SUGT1: variants seen among roughly 807,000 people sequenced by gnomAD.
The protein encoded by SUGT1 is protein SGT1 homolog.
A neutral mutation model predicts 56.1 loss-of-function variants in SUGT1; 15 were observed. The ratio of observed to expected loss-of-function variants is 0.27; its 90% CI spans 0.18 to 0.41. The LOEUF is 0.41. SUGT1 is among the 10% of genes least tolerant of loss of function. The probability of loss-of-function intolerance (pLI) is 1.00; values close to 1 mark genes in which losing one functional copy is unlikely to be tolerated. For synonymous variants in SUGT1, 123 were observed against 128.6 expected, an observed-to-expected ratio of 0.96 and a Z score of 0.30; for missense variants, 347 against 382.2, an observed-to-expected ratio of 0.91 and a Z score of 0.77.
chr13:52,657,561 A>G lies in SUGT1; in HGVS notation c.126A>G (p.Pro42=). ...TGACTAAGGCTTTGGAACAGAAACCAGATGATGCACAGTATTATTGTCAAA... is the reference window on the plus strand; with the variant it reads ...TGACTAAGGCTTTGGAACAGAAACCGGATGATGCACAGTATTATTGTCAAA... ...EELTKALEQK[P]DDAQYYCQRA... The change falls in exon 3 of 13, where the codon CCA becomes CCG. Residue 42 remains proline (P), a synonymous_variant. Transcript: ENST00000310528. 1.2e-6 allele frequency: 2 copies of G among 1,613,784 alleles called. No individual in the cohort carries two copies. The highest frequency in any genetic ancestry group is 1.3e-5 in the African/African-American group (1 of 75,062).
At chr13:52,682,336 C>G (rs1218837825) in intron 12 of SUGT1, among the ~76,000 whole-genome samples, 1 of 151,846 alleles carries the variant, frequency 6.6e-6, no homozygotes, top group Non-Finnish European at 1.5e-5. Context: ...GTAGATGGGA[C>G]TACACATCCA....
intron 2 of SUGT1, among the ~76,000 whole-genome samples, chr13:52,654,358 T>G (rs1420732022): frequency 6.6e-6 from 1 of 152,240 alleles, no homozygotes; most frequent in Non-Finnish European, 1.5e-5. Flanking sequence ...ACCTAGTGCT[T>G]CCTTTGGGAA....
chr13:52,681,849 A>AG (rs548878347), intron 12 of SUGT1, among the ~76,000 whole-genome samples: 6,513 of 147,078 alleles, frequency 0.044, 242 homozygotes, highest in Middle Eastern at 0.075. Context: ...AAAAAAAAAA[A>AG]AGAGAGAGAG....
chr13:52,654,531 C>A (rs1273635948), intron 2 of SUGT1, among the ~76,000 whole-genome samples: 1 of 152,166 alleles, frequency 6.6e-6, no homozygotes, highest in African/African-American at 2.4e-5. Context: ...CATGTTTACA[C>A]CACCAGATTA....
At chr13:52,676,802 C>T (rs1028591368) in intron 11 of SUGT1, among the ~76,000 whole-genome samples, 4 of 151,974 alleles carry the variant, frequency 2.6e-5, no homozygotes, top group South Asian at 2.1e-4. Context: ...TAGAGATGGA[C>T]GCAAATAGGT....
intron 12 of SUGT1, chr13:52,687,091 AAG>A (rs1963623023): frequency 2.0e-5 from 3 of 151,226 alleles, no homozygotes; most frequent in Non-Finnish European, 2.9e-5. Context: ...AAAAAAAAAA[AAG>A]AAATGTCCAG....
At chr13:52,687,701 C>T (rs756228692) in intron 12 of SUGT1, 33 bp from the exon 13 acceptor site, 13 of 1,502,458 alleles carry the variant, frequency 8.7e-6, no homozygotes, top group Admixed American at 8.6e-5. Context: ...TTATATGGTC[C>T]AGGAATTAAT....
At chr13:52,671,434 C>G (rs1962932388) in intron 10 of SUGT1, among the ~76,000 whole-genome samples, 1 of 151,980 alleles carries the variant, frequency 6.6e-6, no homozygotes, top group Non-Finnish European at 1.5e-5. Flanking sequence ...CTTATTTAGC[C>G]AGTCCCATTT....
At chr13:52,662,618 A>G (rs1381227082) in intron 5 of SUGT1, 31 bp from the exon 6 acceptor site, 1 of 1,610,078 alleles carries the variant, frequency 6.2e-7, no homozygotes, top group East Asian at 2.2e-5. Context: ...TGTGCAGATG[A>G]GTGATGTTAT....
chr13:52,674,053 C>CT (rs765220996), intron 10 of SUGT1, among the ~76,000 whole-genome samples: 35,324 of 106,516 alleles, frequency 0.33, 7,566 homozygotes, highest in Middle Eastern at 0.44. Context: ...AGATAGTATA[C>CT]TTTTTTTTTT....
chr13:52,693,025 A>G lies in SUGT1; in HGVS notation c.*5190A>G, dbSNP rs1963825913. Reference sequence around the variant, plus strand: ...GAGATTGTTTCAAGGTTTTATTCCTACAGACATGTTAGGATTTGTGTATCA... The same window carrying G: ...GAGATTGTTTCAAGGTTTTATTCCTGCAGACATGTTAGGATTTGTGTATCA... On this transcript the variant is annotated 3_prime_UTR_variant, in exon 13 of 13. Coordinates refer to ENST00000310528, the MANE Select transcript of SUGT1 (RefSeq NM_006704.5). 1 of 152,170 alleles carries G rather than the reference A, an allele frequency of 6.6e-6. No homozygotes were observed. Among genetic ancestry groups the G allele is most frequent in the Non-Finnish European group, 1.5e-5 (1 of 68,036 alleles). The allele number at this position is 152,170 out of a possible 1,614,324, so 9.4% of individuals were successfully genotyped here.
chr13:52,666,463 CTG>C (rs912845065), intron 9 of SUGT1, among the ~76,000 whole-genome samples: 1 of 152,158 alleles, frequency 6.6e-6, no homozygotes, highest in African/African-American at 2.4e-5. Context: ...AGTGATAGAA[CTG>C]TATGTTTTGC....
intron 12 of SUGT1, among the ~76,000 whole-genome samples, chr13:52,684,908 CTT>C (rs71094314): frequency 6.3e-4 from 92 of 145,252 alleles, no homozygotes; most frequent in East Asian, 6.0e-4. Context: ...TTTGTTGGGA[CTT>C]TTTTTTTTTT....
chr13:52,666,695 T>C (rs1962718713), intron 9 of SUGT1, 117 bp from the exon 10 acceptor site: 5 of 717,208 alleles, frequency 7.0e-6, no homozygotes, highest in Non-Finnish European at 9.3e-6. Flanking sequence ...TAAAATTCCA[T>C]ATATAATGTT....
chr13:52,683,311 C>A (rs1171116563), intron 12 of SUGT1, among the ~76,000 whole-genome samples: 1 of 152,070 alleles, frequency 6.6e-6, no homozygotes, highest in Non-Finnish European at 1.5e-5. Context: ...ATTTTTTTAT[C>A]ATTAACTTTC....
Position 52,659,186 on chromosome 13 carries a change from G to T in SUGT1, c.265G>T (p.Glu89Ter). The T allele has an allele frequency of 6.7e-7, 1 of 1,495,014 alleles. No individual in the cohort carries two copies. The highest frequency in any genetic ancestry group is 1.4e-5 in the South Asian group (1 of 70,518). The allele number at this position is 1,495,014 out of a possible 1,614,324, so 92.6% of individuals were successfully genotyped here. ...TTAAATATATTCATGCAGAATATGTGAATACCATGAAAAAAACTATGCTGC... is the reference window on the plus strand; with the variant it reads ...TTAAATATATTCATGCAGAATATGTTAATACCATGAAAAAAACTATGCTGC... ...STAMLRKGIC[E>*]YHEKNYAAAL... The change falls in exon 5 of 13, where the codon GAA becomes TAA. Residue 89 changes from glutamate to a stop codon, truncating the protein, a stop_gained. Coordinates refer to ENST00000310528, the MANE Select transcript of SUGT1 (RefSeq NM_006704.5). LOFTEE classifies it high-confidence loss of function.
intron 10 of SUGT1, among the ~76,000 whole-genome samples, chr13:52,673,498 G>A (rs1437241519): frequency 1.3e-5 from 2 of 152,170 alleles, no homozygotes; most frequent in Non-Finnish European, 2.9e-5. Context: ...TTCAAGTTGA[G>A]GTCAGCTTGT....
At position 52,699,241 on chromosome 13, in the gene SUGT1, G is replaced by T. The variant is rs759464968; in HGVS notation, c.*11406G>T. 1 of 152,034 alleles carries T rather than the reference G, an allele frequency of 6.6e-6. No individual in the cohort carries two copies. The highest frequency in any genetic ancestry group is 1.9e-4 in the East Asian group (1 of 5,188). 9.4% of individuals were successfully genotyped at this position (152,034 alleles called of 1,614,324 possible). A position where few individuals can be genotyped will look rare whatever the true frequency, so the allele number is the denominator to read the frequency against. On this transcript the variant is annotated 3_prime_UTR_variant, in exon 13 of 13. Coordinates refer to ENST00000310528, the MANE Select transcript of SUGT1 (RefSeq NM_006704.5). ...ATTAAGTTATTGAATCCATATCACC[G>T]TATGACAGCACATGATGAAAGAAAA... is the stretch of plus-strand genomic sequence containing the variant.
At chr13:52,686,861 C>G (rs1386646152) in intron 12 of SUGT1, among the ~76,000 whole-genome samples, 3 of 151,776 alleles carry the variant, frequency 2.0e-5, no homozygotes, top group African/African-American at 7.3e-5. Context: ...ACCTGAGGGT[C>G]GGGAGTTCGA....
Sources: gnomAD v4.1 joint callset for allele counts (sites outside exome capture counted in the v4.1 genomes callset) on GRCh38, gnomAD v4.1.1 for gene constraint, MANE v1.5 for transcripts, NCBI Gene and HGNC (gene_info 2026-07-23, HGNC 2026-07-21) for gene names.